Variants in MUC7 observed in about 807,000 individuals in gnomAD.
MUC7 encodes the protein mucin-7.
A neutral mutation model predicts 2.5 loss-of-function variants in MUC7; 2 were observed. That is an observed-to-expected ratio of 0.81 (90% CI 0.33 to 2.55). The LOEUF is 2.55. Among genes scored for constraint, MUC7 ranks in the 30% most tolerant of loss-of-function variants. The probability of loss-of-function intolerance (pLI) is 0.11; values close to 1 mark genes in which losing one functional copy is unlikely to be tolerated. For missense variants in MUC7, 408 were observed against 455.6 expected, an observed-to-expected ratio of 0.90 and a Z score of 0.95; for synonymous variants, 133 against 173.4, an observed-to-expected ratio of 0.77 and a Z score of 1.83.
At chr4:70,432,110 G>A (rs1222115557) in intron 1 of MUC7, among the ~76,000 whole-genome samples, 2 of 152,170 alleles carry the variant, frequency 1.3e-5, no homozygotes, top group African/African-American at 4.8e-5. Context: ...GTATTCCATG[G>A]TGTATATGTG....
intron 1 of MUC7, among the ~76,000 whole-genome samples, chr4:70,432,301 T>C (rs1430708977): frequency 1.3e-5 from 2 of 152,220 alleles, no homozygotes; most frequent in East Asian, 1.9e-4. Flanking sequence ...TTTCTAGTTT[T>C]AGATCCTTGA....
intron 2 of MUC7, among the ~76,000 whole-genome samples, chr4:70,476,331 G>C (rs1270142862): frequency 6.6e-6 from 1 of 152,134 alleles, no homozygotes; most frequent in Non-Finnish European, 1.5e-5. Context: ...ATCAACACAA[G>C]TCATGTTATT....
At chr4:70,431,273 A>G (rs1225433979) in intron 1 of MUC7, among the ~76,000 whole-genome samples, 1 of 151,968 alleles carries the variant, frequency 6.6e-6, no homozygotes, top group Non-Finnish European at 1.5e-5. Context: ...TTTCATTTGT[A>G]ACAAGGCCAA....
chr4:70,436,981 T>C (rs1391173458), intron 1 of MUC7, among the ~76,000 whole-genome samples: 1 of 152,184 alleles, frequency 6.6e-6, no homozygotes, highest in Non-Finnish European at 1.5e-5. Flanking sequence ...TGTTGGAGTT[T>C]GCTGGAGGTC....
At chr4:70,471,825 G>A (rs995752689), upstream of MUC7, 2 of 152,072 alleles carry the variant, frequency 1.3e-5, no homozygotes, top group African/African-American at 4.8e-5. Flanking sequence ...GAAATATGGT[G>A]TTCCATCACA....
chr4:70,480,724 T>A, intron 2 of MUC7, 75 bp from the exon 3 acceptor site: 1 of 1,463,848 alleles, frequency 6.8e-7, no homozygotes, highest in South Asian at 1.3e-5. Context: ...ACCGCTCATC[T>A]CATGGTCAGC....
At chr4:70,474,983 G>C (rs575642784) in intron 2 of MUC7, among the ~76,000 whole-genome samples, 44 of 152,234 alleles carry the variant, frequency 2.9e-4, no homozygotes, top group African/African-American at 9.4e-4. Context: ...TGTGGTAAAA[G>C]AAAGAAATGA....
intron 1 of MUC7, among the ~76,000 whole-genome samples, chr4:70,462,843 A>C (rs1305024519): frequency 6.6e-6 from 1 of 152,060 alleles, no homozygotes; most frequent in Non-Finnish European, 1.5e-5. Flanking sequence ...ATGGTGATAC[A>C]TGCCTGTAGT....
chr4:70,478,567 G>A (rs1201693331), intron 2 of MUC7, among the ~76,000 whole-genome samples: 3 of 152,174 alleles, frequency 2.0e-5, no homozygotes, highest in Non-Finnish European at 4.4e-5. Context: ...GCAGACACAG[G>A]ACAGAGCCAA....
intron 2 of MUC7, 112 bp from the exon 3 acceptor site, chr4:70,480,686 TG>T: frequency 9.2e-7 from 1 of 1,089,372 alleles, no homozygotes; most frequent in Non-Finnish European, 1.3e-6. Flanking sequence ...TAATGTACTC[TG>T]GTTTCTAATC....
At chr4:70,473,443 CA>C (rs60361215) in intron 1 of MUC7, among the ~76,000 whole-genome samples, 13,127 of 126,550 alleles carry the variant, frequency 0.1, 642 homozygotes, top group East Asian at 0.21. Flanking sequence ...GACTCTGTCT[CA>C]AAAAAAAAAA....
chr4:70,461,061 C>A (rs541597050), intron 1 of MUC7, among the ~76,000 whole-genome samples: 19 of 152,316 alleles, frequency 1.2e-4, no homozygotes, highest in South Asian at 2.1e-4. Flanking sequence ...TTACCCTTTG[C>A]TCTCAATACT....
At chr4:70,451,317 G>T (rs991317475) in intron 1 of MUC7, among the ~76,000 whole-genome samples, 2 of 152,302 alleles carry the variant, frequency 1.3e-5, no homozygotes, top group South Asian at 4.1e-4. Flanking sequence ...TGACTGCCAG[G>T]GCTAGGGCAG....
intron 1 of MUC7, among the ~76,000 whole-genome samples, chr4:70,454,364 A>C (rs1417000695): frequency 1.3e-5 from 2 of 152,166 alleles, no homozygotes; most frequent in Non-Finnish European, 2.9e-5. Context: ...AGCTGGTCTC[A>C]TTTTCCTTCT....
intron 1 of MUC7, among the ~76,000 whole-genome samples, chr4:70,431,191 C>A (rs1165940605): frequency 6.6e-6 from 1 of 152,090 alleles, no homozygotes; most frequent in African/African-American, 2.4e-5. Flanking sequence ...GTCTTAGATG[C>A]CATGAAACCA....
chr4:70,445,122 G>T (rs1734100057), intron 1 of MUC7, among the ~76,000 whole-genome samples: 1 of 152,104 alleles, frequency 6.6e-6, no homozygotes, highest in Non-Finnish European at 1.5e-5. Flanking sequence ...TCCCTCAACT[G>T]CTCTGTTTAC....
intron 1 of MUC7, among the ~76,000 whole-genome samples, chr4:70,464,936 C>T (rs1243174146): frequency 6.6e-6 from 1 of 152,212 alleles, no homozygotes; most frequent in Non-Finnish European, 1.5e-5. Context: ...GTCCCTGACC[C>T]CTGTGCCTCC....
intron 1 of MUC7, among the ~76,000 whole-genome samples, chr4:70,441,523 G>T (rs143633534): frequency 7.2e-5 from 11 of 152,092 alleles, no homozygotes; most frequent in Non-Finnish European, 1.3e-4. Flanking sequence ...GGAGGGAGAG[G>T]TTTTAATAAA....
chr4:70,468,057 C>T (rs1229020211), upstream of MUC7, among the ~76,000 whole-genome samples: 1 of 152,136 alleles, frequency 6.6e-6, no homozygotes, highest in South Asian at 2.1e-4. Context: ...GGCTTATCTA[C>T]CAAGATCAAG....
Sources: allele counts gnomAD v4.1 joint callset (sites outside exome capture counted in the v4.1 genomes callset), GRCh38; gene constraint gnomAD v4.1.1; transcripts MANE v1.5; gene names NCBI Gene and HGNC (gene_info 2026-07-23, HGNC 2026-07-21).